ZNF716: variants seen among roughly 807,000 people sequenced by gnomAD.
ZNF716 encodes zinc finger protein 716.
In ZNF716, 9 loss-of-function variants were observed where a neutral mutation model predicts 13.4. The observed-to-expected ratio is 0.67, with a 90% CI of 0.41 to 1.18. The LOEUF is 1.18. ZNF716 is among the 50% of genes most tolerant of loss of function. The pLI, the probability that ZNF716 is intolerant of heterozygous loss-of-function variation, is 0.01. For missense variants in ZNF716, 581 were observed against 576.6 expected, an observed-to-expected ratio of 1.01 and a Z score of -0.08; for synonymous variants, 186 against 195.2, an observed-to-expected ratio of 0.95 and a Z score of 0.39.
intron 1 of ZNF716, among the ~76,000 whole-genome samples, chr7:57,454,847 ACC>A (rs782282222): frequency 6.6e-6 from 1 of 151,944 alleles, no homozygotes; most frequent in Non-Finnish European, 1.5e-5. Flanking sequence ...ACACGGTGAA[ACC>A]CCATCTCTAC....
At chr7:57,450,515 C>A (rs1467339012) in intron 1 of ZNF716, among the ~76,000 whole-genome samples, 188 bp downstream of exon 1, 1 of 152,078 alleles carries the variant, frequency 6.6e-6, no homozygotes, top group Non-Finnish European at 1.5e-5. Flanking sequence ...CGGCTGGGAC[C>A]CTGGGAGTTC....
chr7:57,462,930 C>T, intron 2 of ZNF716, 143 bp from the exon 3 acceptor site: 1 of 1,245,578 alleles, frequency 8.0e-7, no homozygotes, highest in Non-Finnish European at 1.1e-6. Context: ...AAAGTATTTT[C>T]TAAATAGCTA....
Position 57,472,502 on chromosome 7 carries a change from T to C in ZNF716, c.*2553T>C, listed in dbSNP as rs1476404965. The C allele has an allele frequency of 1.3e-5, 2 of 152,358 alleles. No individual in the cohort carries two copies. The highest frequency in any genetic ancestry group is 4.8e-5 in the African/African-American group (2 of 41,578). The allele number at this position is 152,358 out of a possible 1,614,324, so 9.4% of individuals were successfully genotyped here. A position where few individuals can be genotyped will look rare whatever the true frequency, so the allele number is the denominator to read the frequency against. ...TTTGTTTTGAGACTAAGTCTTACTC[T>C]GTCACCCAGACTGGGGTGCAGTGGT... is the stretch of plus-strand genomic sequence containing the variant. On this transcript the variant is annotated 3_prime_UTR_variant, in exon 4 of 4. Coordinates refer to ENST00000420713, the MANE Select transcript of ZNF716 (RefSeq NM_001159279.1).
At chr7:57,453,543 A>G (rs1481141989) in intron 1 of ZNF716, among the ~76,000 whole-genome samples, 1 of 152,194 alleles carries the variant, frequency 6.6e-6, no homozygotes, top group Non-Finnish European at 1.5e-5. Context: ...CATGTATTCT[A>G]TTGGTTAAAA....
chr7:57,459,449 G>A (rs1451903136), intron 1 of ZNF716, among the ~76,000 whole-genome samples: 12 of 152,274 alleles, frequency 7.9e-5, no homozygotes, highest in African/African-American at 2.9e-4. Flanking sequence ...AGAAGTATTA[G>A]TATTGTGACA....
At chr7:57,453,135 A>T (rs1789527473) in intron 1 of ZNF716, among the ~76,000 whole-genome samples, 1 of 152,098 alleles carries the variant, frequency 6.6e-6, no homozygotes, top group Non-Finnish European at 1.5e-5. Context: ...TGCCCTCTGG[A>T]TTCTGTCAGA....
intron 3 of ZNF716, 131 bp from the exon 4 acceptor site, chr7:57,468,593 G>A (rs1789854579): frequency 4.4e-5 from 40 of 905,716 alleles, no homozygotes; most frequent in Non-Finnish European, 6.4e-5. Context: ...ATCTATGAAG[G>A]AATTACGGCT....
intron 3 of ZNF716, among the ~76,000 whole-genome samples, chr7:57,464,563 ATGT>A (rs1325856580): frequency 2.0e-5 from 3 of 152,038 alleles, no homozygotes; most frequent in African/African-American, 4.8e-5. Flanking sequence ...ACTCTATTAA[ATGT>A]TGTATTTGAT....
In ZNF716 at chr7:57,471,838, C is replaced by G. The variant is rs1416006521; in HGVS notation, c.*1889C>G. The G allele has an allele frequency of 6.6e-6, 1 of 152,034 alleles. No homozygotes were observed. The highest frequency in any genetic ancestry group is 1.5e-5 in the Non-Finnish European group (1 of 68,002). The allele number at this position is 152,034 out of a possible 1,614,324, so 9.4% of individuals were successfully genotyped here. ...TGAAACTTCAGACATTACACTAAAT[C>G]AGAGTGTTGAGTGTAAAAAAGATAT... On this transcript the variant is annotated 3_prime_UTR_variant, in exon 4 of 4. Transcript: ENST00000420713.
intron 1 of ZNF716, among the ~76,000 whole-genome samples, chr7:57,456,024 C>T (rs1175338320): frequency 2.0e-5 from 3 of 151,772 alleles, no homozygotes; most frequent in South Asian, 2.1e-4. Context: ...GGCACAATAT[C>T]GGCTCACCAC....
chr7:57,465,676 T>C (rs551356734), intron 3 of ZNF716, among the ~76,000 whole-genome samples: 3 of 152,288 alleles, frequency 2.0e-5, no homozygotes, highest in South Asian at 2.1e-4. Context: ...CTAAGACTTA[T>C]GAGTTCTAAC....
intron 3 of ZNF716, among the ~76,000 whole-genome samples, chr7:57,464,115 C>T (rs1261806450): frequency 3.9e-4 from 43 of 110,216 alleles, no homozygotes; most frequent in Admixed American, 6.8e-4. Context: ...TTGTCCATTT[C>T]TTTTTTCTTT....
intron 3 of ZNF716, 124 bp from the exon 4 acceptor site, chr7:57,468,600 G>T: frequency 1.0e-6 from 1 of 956,736 alleles, no homozygotes; most frequent in Non-Finnish European, 1.5e-6. Context: ...AAGGAATTAC[G>T]GCTTGTGGTA....
At chr7:57,464,335 G>C (rs1554323705) in intron 3 of ZNF716, among the ~76,000 whole-genome samples, 2 of 151,776 alleles carry the variant, frequency 1.3e-5, no homozygotes, top group African/African-American at 4.8e-5. Context: ...TGTTCAGGCT[G>C]GTCTTGAATT....
intron 1 of ZNF716, among the ~76,000 whole-genome samples, chr7:57,461,921 A>C (rs1789713280): frequency 6.6e-6 from 1 of 152,138 alleles, no homozygotes; most frequent in African/African-American, 2.4e-5. Context: ...GTATTTTGGG[A>C]GGCCGAGGTG....
At position 57,469,831 on chromosome 7, in the gene ZNF716, T is replaced by A; in HGVS notation, c.1370T>A (p.Ile457Asn). ...TCAACTCTAAATACTCATAAGAGGA[T>A]TCATACTGGAGAGAAACCCTACAAA... ...FSSTLNTHKRIHTGEKPYKCE... is the reference protein window; with the variant it reads ...FSSTLNTHKRNHTGEKPYKCE... The change falls in exon 4 of 4, where the codon ATT becomes AAT. Residue 457 changes from isoleucine to asparagine, a missense_variant. Coordinates refer to ENST00000420713, the MANE Select transcript of ZNF716 (RefSeq NM_001159279.1). The A allele has an allele frequency of 6.2e-7, 1 of 1,603,646 alleles. No individual in the cohort carries two copies. The highest frequency in any genetic ancestry group is 1.7e-4 in the Middle Eastern group (1 of 6,050).
chr7:57,468,953 A>G lies in ZNF716; in HGVS notation c.492A>G (p.Lys164=). 6.2e-7 allele frequency: 1 copy of G among 1,609,846 alleles called. No homozygotes were observed. Among genetic ancestry groups the G allele is most frequent in the South Asian group, 1.1e-5 (1 of 90,826 alleles). The change falls in exon 4 of 4, where the codon AAA becomes AAG. Residue 164 remains lysine, a synonymous_variant. Coordinates refer to ENST00000420713, the MANE Select transcript of ZNF716 (RefSeq NM_001159279.1). ...NKTFQTHKCV[K]VFGKFSNSNR... is the part of the protein sequence containing the mutation. ...CATTTCAGACTCATAAATGCGTCAA[A>G]GTCTTTGGTAAATTTTCAAATTCCA... is the stretch of plus-strand genomic sequence containing the variant.
intron 1 of ZNF716, among the ~76,000 whole-genome samples, chr7:57,462,175 G>GA (rs1789717864): frequency 7.1e-6 from 1 of 140,426 alleles, no homozygotes; most frequent in Non-Finnish European, 1.6e-5. Context: ...AAAAAAAAAA[G>GA]ACATGTCCAT....
intron 1 of ZNF716, among the ~76,000 whole-genome samples, chr7:57,461,109 A>G (rs1789701902): frequency 8.1e-6 from 1 of 122,824 alleles, no homozygotes; most frequent in Non-Finnish European, 1.8e-5. Flanking sequence ...GTCTCTGCTA[A>G]AAAAAAAAAA....
Sources: allele counts gnomAD v4.1 joint callset (sites outside exome capture counted in the v4.1 genomes callset), GRCh38; gene constraint gnomAD v4.1.1; transcripts MANE v1.5; gene names NCBI Gene and HGNC (gene_info 2026-07-23, HGNC 2026-07-21).